ZNF804B: variants seen among roughly 807,000 people sequenced by gnomAD.
ZNF804B encodes zinc finger 804B.
A neutral mutation model predicts 101.4 loss-of-function variants in ZNF804B; 80 were observed. That is an observed-to-expected ratio of 0.79 (90% confidence interval 0.66 to 0.95). ZNF804B has a LOEUF of 0.95. ZNF804B is among the 40% of genes least tolerant of loss of function. The pLI is 0.00. For synonymous variants in ZNF804B, 622 were observed against 558.8 expected, an observed-to-expected ratio of 1.11 and a Z score of -1.59; for missense variants, 1,673 against 1,561.9, an observed-to-expected ratio of 1.07 and a Z score of -1.20.
At chr7:88,775,001 C>G (rs897783570) in intron 1 of ZNF804B, among the ~76,000 whole-genome samples, 1 of 152,172 alleles carries the variant, frequency 6.6e-6, no homozygotes, top group African/African-American at 2.4e-5. Flanking sequence ...TTACTACATA[C>G]TGGGTACTGT....
At chr7:89,082,721 A>G (rs1174883093) in intron 1 of ZNF804B, among the ~76,000 whole-genome samples, 1 of 151,780 alleles carries the variant, frequency 6.6e-6, no homozygotes, top group Non-Finnish European at 1.5e-5. Context: ...GTGGTTAAAC[A>G]CAAAATAAAT....
At chr7:88,817,231 T>G (rs1790895916) in intron 1 of ZNF804B, among the ~76,000 whole-genome samples, 1 of 151,438 alleles carries the variant, frequency 6.6e-6, no homozygotes, top group South Asian at 2.1e-4. Context: ...GGGCCTGTTG[T>G]GGGATGGGGG....
chr7:89,205,567 G>A (rs1000410382), intron 1 of ZNF804B, among the ~76,000 whole-genome samples: 2 of 152,182 alleles, frequency 1.3e-5, no homozygotes, highest in African/African-American at 2.4e-5. Context: ...CAGTGGGGCT[G>A]TCAAATCTTA....
intron 1 of ZNF804B, among the ~76,000 whole-genome samples, chr7:89,161,291 G>C (rs115738375): frequency 0.033 from 4,977 of 151,810 alleles, 156 homozygotes; most frequent in South Asian, 0.081. Flanking sequence ...CACTCTTCTT[G>C]AACTTATATA....
intron 1 of ZNF804B, among the ~76,000 whole-genome samples, chr7:88,798,221 T>A (rs1232264057): frequency 6.6e-6 from 1 of 152,110 alleles, no homozygotes; most frequent in Non-Finnish European, 1.5e-5. Context: ...AGCTTAGTGG[T>A]CATCTTTTCT....
intron 1 of ZNF804B, among the ~76,000 whole-genome samples, chr7:88,946,880 A>G (rs1358059940): frequency 6.6e-6 from 1 of 151,986 alleles, no homozygotes; most frequent in African/African-American, 2.4e-5. Context: ...TCTCAAAAGA[A>G]GACATTTATG....
At chr7:88,760,517 A>G (rs1407843513) in intron 1 of ZNF804B, among the ~76,000 whole-genome samples, 1 of 152,230 alleles carries the variant, frequency 6.6e-6, no homozygotes, top group Non-Finnish European at 1.5e-5. Flanking sequence ...GAAAAACTCA[A>G]AGATTTTCCC....
intron 2 of ZNF804B, among the ~76,000 whole-genome samples, chr7:89,310,976 T>A (rs1489101886): frequency 2.0e-5 from 3 of 152,158 alleles, no homozygotes; most frequent in Admixed American, 1.3e-4. Flanking sequence ...TAAGATTTTT[T>A]TTTTTTTAAT....
In ZNF804B at chr7:89,337,930, T is replaced by C. The variant is rs1238980015; in HGVS notation, c.*898T>C. Among the ~76,000 whole-genome samples, 1 of 152,018 alleles carries C rather than the reference T, an allele frequency of 6.6e-6. No homozygotes were observed. Among genetic ancestry groups the C allele is most frequent in the Non-Finnish European group, 1.5e-5 (1 of 67,936 alleles). Reference sequence around the variant, plus strand: ...ACATGTATAAGGATAGAGGTAAAGGTTTGAAAATGTCAGTGTTTTTACATG... The same window carrying C: ...ACATGTATAAGGATAGAGGTAAAGGCTTGAAAATGTCAGTGTTTTTACATG... On this transcript the variant is annotated 3_prime_UTR_variant, in exon 4 of 4. Transcript: ENST00000333190.
At chr7:89,222,862 A>G (rs1011513200) in intron 2 of ZNF804B, among the ~76,000 whole-genome samples, 6 of 151,942 alleles carry the variant, frequency 3.9e-5, no homozygotes, top group Non-Finnish European at 5.9e-5. Context: ...CCCACTTTAA[A>G]AAACATTGGA....
chr7:88,995,843 G>T (rs1182090553), intron 1 of ZNF804B, among the ~76,000 whole-genome samples: 3 of 151,940 alleles, frequency 2.0e-5, no homozygotes, highest in Non-Finnish European at 4.4e-5. Flanking sequence ...TACCTCTGTT[G>T]TCCTCCTCCC....
intron 1 of ZNF804B, among the ~76,000 whole-genome samples, chr7:88,892,740 ACTTTGTAC>A (rs1792231978): frequency 6.6e-6 from 1 of 152,140 alleles, no homozygotes. Flanking sequence ...TTTTTGTTAA[ACTTTGTAC>A]CTTTCATCTC....
At chr7:88,885,206 C>T (rs1792107839) in intron 1 of ZNF804B, among the ~76,000 whole-genome samples, 1 of 151,974 alleles carries the variant, frequency 6.6e-6, no homozygotes, top group South Asian at 2.1e-4. Context: ...CATTATATTA[C>T]ATTATCTGCT....
At chr7:89,085,572 A>G (rs1244485994) in intron 1 of ZNF804B, among the ~76,000 whole-genome samples, 1 of 151,844 alleles carries the variant, frequency 6.6e-6, no homozygotes, top group Non-Finnish European at 1.5e-5. Context: ...ATGTTTGGAT[A>G]TTTCACTTGG....
At chr7:88,934,088 A>C (rs1377512997) in intron 1 of ZNF804B, among the ~76,000 whole-genome samples, 3 of 152,210 alleles carry the variant, frequency 2.0e-5, no homozygotes, top group South Asian at 4.1e-4. Flanking sequence ...CCAATAGGAC[A>C]GAATAGAGAA....
rs534324841 is a variant in ZNF804B, at chr7:89,172,821, G to C, written c.109-45334G>C. On this transcript the variant is annotated intron_variant, in intron 1 of 3. Coordinates refer to ENST00000333190, the MANE Select transcript of ZNF804B (RefSeq NM_181646.5). ...TAGCTTTGGAATTGGTCTTTGACTA[G>C]AATAAAAATTTAAGTAAACATTTTG... 2.0e-5 allele frequency among the ~76,000 whole-genome samples: 3 copies of C among 152,210 alleles called. No homozygotes were observed. In the South Asian group the frequency reaches 6.2e-4, roughly 32 times the overall value.
At chr7:89,017,812 G>T (rs545201830) in intron 1 of ZNF804B, among the ~76,000 whole-genome samples, 2 of 151,984 alleles carry the variant, frequency 1.3e-5, no homozygotes, top group African/African-American at 4.8e-5. Flanking sequence ...TTTTATTTCA[G>T]CTAGTTCCTT....
At chr7:88,795,322 T>C (rs1167855194) in intron 1 of ZNF804B, among the ~76,000 whole-genome samples, 1 of 152,038 alleles carries the variant, frequency 6.6e-6, no homozygotes, top group Non-Finnish European at 1.5e-5. Flanking sequence ...TCTTCCAGTT[T>C]CTTTTACAAA....
rs543770068 is a variant in ZNF804B at position 89,230,261 on chromosome 7, G to C, written c.249+11966G>C. On this transcript the variant is annotated intron_variant, in intron 2 of 3. Transcript: ENST00000333190. ...ACTCTCTTAAAAAGATACAGTTAAT[G>C]TATCTTTAATCAGGTTAACTAAGGA... is the stretch of plus-strand genomic sequence containing the variant. 1.8e-4 allele frequency among the ~76,000 whole-genome samples: 28 copies of C among 151,764 alleles called. No individual in the cohort carries two copies. In the South Asian group the frequency reaches 5.6e-3, roughly 31 times the overall value.
Sources: allele counts gnomAD v4.1 joint callset (sites outside exome capture counted in the v4.1 genomes callset), GRCh38; gene constraint gnomAD v4.1.1; transcripts MANE v1.5; gene names NCBI Gene and HGNC (gene_info 2026-07-23, HGNC 2026-07-21).